The following CTNNA2 variants were observed in gnomAD, a reference collection of about 807,000 sequenced individuals.
CTNNA2 encodes the protein catenin alpha 2.
CTNNA2 carries 42 observed loss-of-function variants against 101.0 expected under a neutral mutation model. The ratio of observed to expected loss-of-function variants is 0.42; its 90% CI spans 0.32 to 0.54. CTNNA2 has a LOEUF of 0.54. CTNNA2 is among the 20% of genes least tolerant of loss of function. The probability of loss-of-function intolerance (pLI) is 0.14; values close to 1 mark genes in which losing one functional copy is unlikely to be tolerated. For missense variants in CTNNA2, 871 were observed against 1,223.1 expected (o/e 0.71, Z 4.29); for synonymous variants, 450 against 456.4 (o/e 0.99, Z 0.18).
intron 13 of CTNNA2, among the ~76,000 whole-genome samples, chr2:80,577,425 T>C (rs79051955): frequency 0.029 from 4,483 of 152,120 alleles, 239 homozygotes; most frequent in African/African-American, 0.1. Context: ...GCGGAGGAAA[T>C]GTCAAGTGCA....
At chr2:80,190,001 G>A (rs1706383019) in intron 7 of CTNNA2, among the ~76,000 whole-genome samples, 1 of 140,592 alleles carries the variant, frequency 7.1e-6, no homozygotes, top group Admixed American at 6.8e-5. Flanking sequence ...AACATGAATG[G>A]GGAAATCCAT....
At chr2:79,537,521 A>G (rs1387506990) in intron 1 of CTNNA2, among the ~76,000 whole-genome samples, 1 of 152,088 alleles carries the variant, frequency 6.6e-6, no homozygotes, top group Non-Finnish European at 1.5e-5. Flanking sequence ...ACCTTAGGAA[A>G]ACCCAACTTT....
At chr2:79,194,079 T>G (rs1673926711) in intron 1 of CTNNA2, among the ~76,000 whole-genome samples, 1 of 152,240 alleles carries the variant, frequency 6.6e-6, no homozygotes, top group Non-Finnish European at 1.5e-5. Context: ...GGATGTTATG[T>G]ATTCGGAGGC....
chr2:80,425,320 G>T (rs1244977398), intron 9 of CTNNA2, among the ~76,000 whole-genome samples: 2 of 152,116 alleles, frequency 1.3e-5, no homozygotes, highest in Non-Finnish European at 2.9e-5. Context: ...GTGTTTTGTT[G>T]TTGTTGTTTT....
At chr2:79,340,833 CAAAAAA>C (rs56276462) in intron 3 of CTNNA2, among the ~76,000 whole-genome samples, 4 of 32,534 alleles carry the variant, frequency 1.2e-4, no homozygotes, top group Non-Finnish European at 2.1e-4. Context: ...GACTCAGTCT[CAAAAAA>C]AAAAAAAAAA....
chr2:79,494,277 ATT>A (rs35039244), intron 4 of CTNNA2, among the ~76,000 whole-genome samples: 47,426 of 147,098 alleles, frequency 0.32, 7,910 homozygotes, highest in African/African-American at 0.42. Flanking sequence ...CAGCTGCCCT[ATT>A]TTTTTTTTTT....
intron 7 of CTNNA2, among the ~76,000 whole-genome samples, chr2:79,934,888 T>C (rs1687676460): frequency 6.6e-6 from 1 of 152,240 alleles, no homozygotes; most frequent in Non-Finnish European, 1.5e-5. Context: ...CTTTCAAAGA[T>C]AAGTAGAAGT....
intron 9 of CTNNA2, among the ~76,000 whole-genome samples, chr2:80,517,285 G>A (rs1042252605): frequency 6.6e-6 from 1 of 152,216 alleles, no homozygotes; most frequent in African/African-American, 2.4e-5. Context: ...TTTCCCATCA[G>A]CAGTATCAGG....
At chr2:79,615,187 T>G (rs561967629) in intron 1 of CTNNA2, among the ~76,000 whole-genome samples, 1 of 152,142 alleles carries the variant, frequency 6.6e-6, no homozygotes, top group African/African-American at 2.4e-5. Flanking sequence ...TTATTTTTAT[T>G]TAAAGAATAT....
At position 80,514,724 on chromosome 2, in the gene CTNNA2, A is replaced by C. The variant is rs112753842; in HGVS notation, c.1291-30258A>C. ...CCTCCAAAGTCCAGCCGTCCCTCTG[A>C]AGTCAAGTCACCTCTCTCCAGTCAA... is the stretch of plus-strand genomic sequence containing the variant. On this transcript the variant is annotated intron_variant, in intron 9 of 18. Transcript: ENST00000402739. Among the ~76,000 whole-genome samples, 1,005 of 152,192 alleles carry C rather than the reference A, an allele frequency of 6.6e-3. 12 individuals are homozygous for C. Among genetic ancestry groups the C allele is most frequent in the African/African-American group, 0.023 (955 of 41,518 alleles).
intron 7 of CTNNA2, among the ~76,000 whole-genome samples, chr2:79,935,861 A>T (rs1271802321): frequency 6.6e-6 from 1 of 151,836 alleles, no homozygotes; most frequent in Non-Finnish European, 1.5e-5. Context: ...TTCCCTTTTT[A>T]GGTTTATTTA....
chr2:79,582,887 T>C (rs1234819505), intron 1 of CTNNA2, among the ~76,000 whole-genome samples: 1 of 152,162 alleles, frequency 6.6e-6, no homozygotes, highest in Non-Finnish European at 1.5e-5. Flanking sequence ...GTTCATCCTT[T>C]CCCCACTCAC....
Position 80,327,969 on chromosome 2 carries a change from C to T in CTNNA2, c.1057-65242C>T, listed in dbSNP as rs543514796. Among the ~76,000 whole-genome samples the T allele has an allele frequency of 1.2e-4, 19 of 152,252 alleles. No homozygotes were observed. The South Asian group carries it at 3.7e-3, about 30-fold the overall frequency. On this transcript the variant is annotated intron_variant, in intron 7 of 18. Transcript: ENST00000402739. Reference sequence around the variant, plus strand: ...TTTTTTATGTTACTTTCTCTGTTTTCCCACAATTCGGATGCCTGGAAATGT... The same window carrying T: ...TTTTTTATGTTACTTTCTCTGTTTTTCCACAATTCGGATGCCTGGAAATGT...
At chr2:80,398,272 T>C (rs1348553717) in intron 8 of CTNNA2, among the ~76,000 whole-genome samples, 2 of 152,214 alleles carry the variant, frequency 1.3e-5, no homozygotes, top group Admixed American at 6.5e-5. Context: ...TTAAGTTCAT[T>C]GTAAAAAAAT....
intron 12 of CTNNA2, among the ~76,000 whole-genome samples, chr2:80,561,827 ATTTTTT>A (rs368503035): frequency 8.1e-6 from 1 of 123,574 alleles, no homozygotes; most frequent in Non-Finnish European, 1.7e-5. Flanking sequence ...CGCCTGGCTA[ATTTTTT>A]TTTTTTTTTT....
At chr2:79,297,766 C>G (rs565305452) in intron 2 of CTNNA2, among the ~76,000 whole-genome samples, 4 of 152,098 alleles carry the variant, frequency 2.6e-5, no homozygotes, top group Non-Finnish European at 5.9e-5. Context: ...ATCTATCTAT[C>G]TAATCTTTTG....
At chr2:79,534,667 G>C (rs1291110482) in intron 1 of CTNNA2, among the ~76,000 whole-genome samples, 3 of 151,916 alleles carry the variant, frequency 2.0e-5, no homozygotes. Context: ...AGTACTGATA[G>C]TATATTTTCT....
intron 9 of CTNNA2, among the ~76,000 whole-genome samples, chr2:80,511,645 A>T (rs1360405026): frequency 1.3e-5 from 2 of 152,186 alleles, no homozygotes; most frequent in Non-Finnish European, 2.9e-5. Flanking sequence ...AATTAAAAGG[A>T]GATTCGAAGT....
At chr2:80,354,765 C>G (rs1330401857) in intron 7 of CTNNA2, among the ~76,000 whole-genome samples, 1 of 151,982 alleles carries the variant, frequency 6.6e-6, no homozygotes, top group Non-Finnish European at 1.5e-5. Context: ...ACTTCTAGAT[C>G]AGTGTTTCTC....
Sources: gnomAD v4.1 joint callset for allele counts (sites outside exome capture counted in the v4.1 genomes callset) on GRCh38, gnomAD v4.1.1 for gene constraint, MANE v1.5 for transcripts, NCBI Gene and HGNC (gene_info 2026-07-23, HGNC 2026-07-21) for gene names.